The following PITPNC1 variants were observed in gnomAD, a reference collection of about 807,000 sequenced individuals.
PITPNC1 encodes the protein phosphatidylinositol transfer protein cytoplasmic 1.
PITPNC1 carries 18 observed loss-of-function variants against 44.7 expected under a neutral mutation model. The ratio of observed to expected loss-of-function variants is 0.40; its 90% confidence interval spans 0.28 to 0.60. The LOEUF is 0.60. Among genes scored for constraint, PITPNC1 ranks in the 20% least tolerant of loss-of-function variants. The pLI, the probability that PITPNC1 is intolerant of heterozygous loss-of-function variation, is 0.39. For missense variants in PITPNC1, 290 were observed against 418.4 expected (o/e 0.69, Z 2.68); for synonymous variants, 141 against 149.6 (o/e 0.94, Z 0.42).
At chr17:67,635,014 C>T (rs111540111) in intron 6 of PITPNC1, among the ~76,000 whole-genome samples, 5 of 152,218 alleles carry the variant, frequency 3.3e-5, no homozygotes, top group African/African-American at 9.6e-5. Flanking sequence ...ACCCAGGAGG[C>T]GGTGGTTACA....
At chr17:67,383,685 A>C (rs977859042) in intron 1 of PITPNC1, among the ~76,000 whole-genome samples, 1 of 152,226 alleles carries the variant, frequency 6.6e-6, no homozygotes, top group Admixed American at 6.5e-5. Flanking sequence ...AAGAGACGCT[A>C]AGCACATCCT....
chr17:67,413,401 T>TTTTCTTTCCTTCTTTCTTTCTTTCTTTC (rs2038534686), intron 1 of PITPNC1, among the ~76,000 whole-genome samples: 2 of 145,400 alleles, frequency 1.4e-5, no homozygotes, highest in African/African-American at 5.2e-5. Context: ...ATGTGCTTAA[T>TTTTCTTTCCTTCTTTCTTTCTTTCTTTC]TTTCTTTCTT....
At chr17:67,387,463 T>C (rs1051355482) in intron 1 of PITPNC1, among the ~76,000 whole-genome samples, 3 of 152,050 alleles carry the variant, frequency 2.0e-5, no homozygotes, top group Non-Finnish European at 4.4e-5. Context: ...GTCGGGAGTT[T>C]AAGATCAGCC....
chr17:67,685,622 A>G (rs1211836783), intron 8 of PITPNC1, among the ~76,000 whole-genome samples: 3 of 152,322 alleles, frequency 2.0e-5, no homozygotes, highest in South Asian at 4.1e-4. Context: ...GCATACCATC[A>G]TTGGTAAAGA....
intron 1 of PITPNC1, among the ~76,000 whole-genome samples, chr17:67,428,154 C>G (rs2038800041): frequency 6.6e-6 from 1 of 152,098 alleles, no homozygotes; most frequent in African/African-American, 2.4e-5. Flanking sequence ...ACCACTGTGC[C>G]AGGCTCAGTC....
intron 1 of PITPNC1, among the ~76,000 whole-genome samples, chr17:67,435,525 A>C (rs1231153580): frequency 2.0e-5 from 3 of 152,180 alleles, no homozygotes; most frequent in African/African-American, 7.2e-5. Flanking sequence ...GTGCTGGGGG[A>C]GACAGACTGT....
intron 1 of PITPNC1, among the ~76,000 whole-genome samples, chr17:67,383,955 T>A (rs530384363): frequency 2.6e-5 from 4 of 152,290 alleles, no homozygotes; most frequent in African/African-American, 7.2e-5. Flanking sequence ...GAGAATTACT[T>A]GAACCAGGGA....
At chr17:67,381,375 C>T (rs1021575293) in intron 1 of PITPNC1, among the ~76,000 whole-genome samples, 1 of 150,670 alleles carries the variant, frequency 6.6e-6, no homozygotes, top group East Asian at 2.0e-4. Context: ...TGAGCCACTG[C>T]GCCCGGCCTG....
chr17:67,677,710 A>G (rs1201999774), intron 8 of PITPNC1, among the ~76,000 whole-genome samples: 1 of 151,814 alleles, frequency 6.6e-6, no homozygotes, highest in Non-Finnish European at 1.5e-5. Flanking sequence ...CTGGGATTAC[A>G]GGCTCCCACC....
chr17:67,631,030 A>C (rs1278565940), intron 5 of PITPNC1, among the ~76,000 whole-genome samples: 1 of 147,588 alleles, frequency 6.8e-6, no homozygotes, highest in African/African-American at 2.5e-5. Flanking sequence ...ATATCTATAT[A>C]TTGCGGCTGT....
intron 6 of PITPNC1, among the ~76,000 whole-genome samples, chr17:67,644,232 A>G (rs1417528003): frequency 6.6e-6 from 1 of 152,104 alleles, no homozygotes; most frequent in Non-Finnish European, 1.5e-5. Flanking sequence ...CAGTGCCGGG[A>G]TGGTACCCAA....
At position 67,497,529 on chromosome 17, in the gene PITPNC1, C is replaced by CTTTTTT. The variant is rs34364657; in HGVS notation, c.49-35258_49-35253dup. On this transcript the variant is annotated intron_variant, in intron 1 of 8. Coordinates refer to ENST00000581322, the MANE Select transcript of PITPNC1 (RefSeq NM_012417.4). ...TGTGTCTCCATAAACTTGTTCGTGT[C>CTTTTTT]TTTTTTTTTTTTTTTTTTTTGAGAT... Among the ~76,000 whole-genome samples the CTTTTTT allele has an allele frequency of 4.9e-4, 43 of 87,514 alleles. 3 individuals are homozygous for CTTTTTT. Among genetic ancestry groups the CTTTTTT allele is most frequent in the East Asian group, 7.7e-4 (2 of 2,612 alleles). 57.4% of individuals were successfully genotyped at this position (87,514 alleles called of 152,430 possible).
At chr17:67,663,941 C>G (rs1345228466) in intron 6 of PITPNC1, among the ~76,000 whole-genome samples, 1 of 152,066 alleles carries the variant, frequency 6.6e-6, no homozygotes, top group Non-Finnish European at 1.5e-5. Context: ...GTCTTCATTT[C>G]TCAGTGTTTG....
chr17:67,494,219 G>T (rs111719026), intron 1 of PITPNC1, among the ~76,000 whole-genome samples: 1 of 24,224 alleles, frequency 4.1e-5, no homozygotes, highest in African/African-American at 2.4e-4. Context: ...CTTTCTTTTT[G>T]AGACGTAGTC....
intron 1 of PITPNC1, among the ~76,000 whole-genome samples, chr17:67,425,181 T>C (rs973601459): frequency 8.0e-6 from 1 of 125,776 alleles, no homozygotes; most frequent in Non-Finnish European, 1.6e-5. Flanking sequence ...TAAACAGCCA[T>C]GTTGTGCGCG....
intron 1 of PITPNC1, among the ~76,000 whole-genome samples, chr17:67,460,882 T>A (rs1371667636): frequency 6.7e-6 from 1 of 149,584 alleles, no homozygotes; most frequent in Admixed American, 6.7e-5. Flanking sequence ...GCTGGGATTA[T>A]AGGCGCGCGC....
chr17:67,566,445 C>A (rs768955541), intron 4 of PITPNC1, among the ~76,000 whole-genome samples: 2 of 152,196 alleles, frequency 1.3e-5, no homozygotes, highest in Non-Finnish European at 2.9e-5. Flanking sequence ...CTCAAGTGAT[C>A]CACCCGTGTC....
intron 1 of PITPNC1, among the ~76,000 whole-genome samples, chr17:67,528,194 A>C (rs2040414931): frequency 6.6e-6 from 1 of 152,026 alleles, no homozygotes; most frequent in Non-Finnish European, 1.5e-5. Context: ...GGCGTGCACC[A>C]CCACATCCGG....
rs1190618658 is a variant in PITPNC1 at position 67,597,589 on chromosome 17, T to G, written c.366+19332T>G. ...AAAAGGAAAGAAAAAAACAGTTATC[T>G]TCCTCAATCCCTTTGTGTTAAGTTC... On this transcript the variant is annotated intron_variant, in intron 5 of 8. Transcript: ENST00000581322. This position sits in a 1 kb window ranked among gnomAD's most constrained non-coding sequence, Gnocchi z 4.0. Among the ~76,000 whole-genome samples, 1 of 152,146 alleles carries G rather than the reference T, an allele frequency of 6.6e-6. No individual in the cohort carries two copies. The highest frequency in any genetic ancestry group is 1.5e-5 in the Non-Finnish European group (1 of 68,010).
Sources: gnomAD v4.1 joint callset for allele counts (sites outside exome capture counted in the v4.1 genomes callset) on GRCh38, gnomAD v4.1.1 for gene constraint, Gnocchi (gnomAD v3.1) non-coding constraint, MANE v1.5 for transcripts, NCBI Gene and HGNC (gene_info 2026-07-23, HGNC 2026-07-21) for gene names.